Variants in ATXN10 observed in about 807,000 individuals in gnomAD.
The protein encoded by ATXN10 is ataxin-10.
In ATXN10, 28 loss-of-function variants were observed where a neutral mutation model predicts 52.9. The observed-to-expected ratio is 0.53, with a 90% CI of 0.39 to 0.73. The LOEUF (loss-of-function observed/expected upper bound fraction) is 0.73, where lower values mean the gene tolerates loss of function less well. Ranked by LOEUF, ATXN10 falls within the 30% of genes least tolerant of loss-of-function variation. The pLI is 0.00. For synonymous variants in ATXN10, 226 were observed against 221.5 expected (o/e 1.02, Z -0.18); for missense variants, 565 against 577.0 (o/e 0.98, Z 0.21).
intron 4 of ATXN10, among the ~76,000 whole-genome samples, chr22:45,702,438 A>G (rs191676615): frequency 1.3e-5 from 2 of 152,126 alleles, no homozygotes; most frequent in African/African-American, 4.8e-5. Context: ...TTTTTCTCTA[A>G]TGGTAAGTTA....
In ATXN10 at chr22:45,783,061, C is replaced by T. The variant is rs919476103; in HGVS notation, c.1174-23898C>T. Among the ~76,000 whole-genome samples, 7 of 152,184 alleles carry T rather than the reference C, an allele frequency of 4.6e-5. No homozygotes were observed. The highest frequency in any genetic ancestry group is 8.8e-5 in the Non-Finnish European group (6 of 68,030). On this transcript the variant is annotated intron_variant, in intron 9 of 11. Transcript: ENST00000252934. This position sits in a 1 kb window ranked among gnomAD's most constrained non-coding sequence, Gnocchi z 5.0. Reference sequence around the variant, plus strand: ...TCAGCATACAGTTTTTTTCTTAAGTCTAGAACTCTGACCTTTTCACTTAAA... The same window carrying T: ...TCAGCATACAGTTTTTTTCTTAAGTTTAGAACTCTGACCTTTTCACTTAAA...
intron 8 of ATXN10, among the ~76,000 whole-genome samples, chr22:45,739,277 T>C (rs1176527850): frequency 6.6e-6 from 1 of 152,236 alleles, no homozygotes; most frequent in Admixed American, 6.5e-5. Flanking sequence ...ACAAATCTTA[T>C]GAGAAAAAGG....
In ATXN10 at chr22:45,762,827, C is replaced by T. The variant is rs576671425; in HGVS notation, c.1173+22289C>T. On this transcript the variant is annotated intron_variant, in intron 9 of 11. Transcript: ENST00000252934. This position sits in a 1 kb window ranked among gnomAD's most constrained non-coding sequence, Gnocchi z 4.3. ...CCCCCTGTGTTTTGGCTCCAAATTCCAAGTGAGAGTAATTGCGTGGCTTCC... is the reference window on the plus strand; with the variant it reads ...CCCCCTGTGTTTTGGCTCCAAATTCTAAGTGAGAGTAATTGCGTGGCTTCC... 7.2e-5 allele frequency among the ~76,000 whole-genome samples: 11 copies of T among 152,262 alleles called. No individual in the cohort carries two copies. Among genetic ancestry groups the T allele is most frequent in the Admixed American group, 7.2e-4 (11 of 15,292 alleles).
In ATXN10 at chr22:45,784,683, T is replaced by A. The variant is rs758533802; in HGVS notation, c.1174-22276T>A. On this transcript the variant is annotated intron_variant, in intron 9 of 11. Coordinates refer to ENST00000252934, the MANE Select transcript of ATXN10 (RefSeq NM_013236.4). The surrounding 1 kb of genome is among the most constrained non-coding windows in gnomAD (Gnocchi z 4.2). ...CACACAGCTTAGAGCAGGGCCCAAATTGACCTCATGGCTATTCTTACACAT... is the reference window on the plus strand; with the variant it reads ...CACACAGCTTAGAGCAGGGCCCAAAATGACCTCATGGCTATTCTTACACAT... Among the ~76,000 whole-genome samples the A allele has an allele frequency of 6.6e-6, 1 of 152,208 alleles. No individual in the cohort carries two copies.
At chr22:45,804,354 C>T (rs897480897) in intron 9 of ATXN10, among the ~76,000 whole-genome samples, 1 of 152,182 alleles carries the variant, frequency 6.6e-6, no homozygotes, top group Non-Finnish European at 1.5e-5. Context: ...CAGGTGTCTA[C>T]TAAATAGTAG....
chr22:45,695,266 G>T (rs1923559199), intron 3 of ATXN10, among the ~76,000 whole-genome samples: 1 of 149,638 alleles, frequency 6.7e-6, no homozygotes, highest in Non-Finnish European at 1.5e-5. Flanking sequence ...AGAGCTTGCA[G>T]TGAGCCGAGA....
chr22:45,821,397 A>G (rs2146900406), intron 10 of ATXN10, among the ~76,000 whole-genome samples: 1 of 152,024 alleles, frequency 6.6e-6, no homozygotes, highest in South Asian at 2.1e-4. Context: ...TCCAGGCATA[A>G]TTAGGAAGCA....
intron 10 of ATXN10, among the ~76,000 whole-genome samples, chr22:45,812,352 A>G (rs1928309219): frequency 6.6e-6 from 1 of 152,222 alleles, no homozygotes; most frequent in Non-Finnish European, 1.5e-5. Context: ...CATGTAGTAG[A>G]TAACCAAAAA....
chr22:45,696,993 A>AT lies in ATXN10; in HGVS notation c.392-3286dup, dbSNP rs1402181358. 1.3e-5 allele frequency among the ~76,000 whole-genome samples: 2 copies of AT among 152,188 alleles called. No individual in the cohort carries two copies. The highest frequency in any genetic ancestry group is 4.8e-5 in the African/African-American group (2 of 41,446). ...TTAGCTGTATTAAATGTTGTTCTTAATTTAGGTAGTTGCATTTGTATGAGT... is the reference window on the plus strand; with the variant it reads ...TTAGCTGTATTAAATGTTGTTCTTAATTTTAGGTAGTTGCATTTGTATGAGT... On this transcript the variant is annotated intron_variant, in intron 3 of 11. Transcript: ENST00000252934. The surrounding 1 kb of genome is among the most constrained non-coding windows in gnomAD (Gnocchi z 4.7).
At chr22:45,749,431 C>T (rs1925861221) in intron 9 of ATXN10, among the ~76,000 whole-genome samples, 1 of 152,204 alleles carries the variant, frequency 6.6e-6, no homozygotes, top group Non-Finnish European at 1.5e-5. Flanking sequence ...AAATCTATGA[C>T]CAAATTTGTG....
intron 9 of ATXN10, chr22:45,792,977 A>T (rs1278099471): frequency 3.5e-6 from 1 of 284,606 alleles, no homozygotes; most frequent in Admixed American, 3.7e-5. Flanking sequence ...TACTGACAAG[A>T]GCTTTTTTAG....
chr22:45,707,092 C>G (rs1393703160), intron 5 of ATXN10, among the ~76,000 whole-genome samples: 2 of 152,096 alleles, frequency 1.3e-5, no homozygotes, highest in African/African-American at 4.8e-5. Flanking sequence ...TTGACCCTTT[C>G]TCATTATAAA....
chr22:45,719,217 A>G (rs1924559147), intron 6 of ATXN10, among the ~76,000 whole-genome samples: 1 of 152,202 alleles, frequency 6.6e-6, no homozygotes, highest in East Asian at 1.9e-4. Flanking sequence ...AACAAAATAT[A>G]TTCAGAAACT....
At chr22:45,768,778 G>A (rs1362051537) in intron 9 of ATXN10, among the ~76,000 whole-genome samples, 1 of 152,198 alleles carries the variant, frequency 6.6e-6, no homozygotes, top group Admixed American at 6.5e-5. Flanking sequence ...CTTTGTTGGA[G>A]TGCTGATTTG....
In ATXN10 at chr22:45,842,282, G is replaced by A. The variant is rs563563217; in HGVS notation, c.1238-709G>A. 2.9e-4 allele frequency among the ~76,000 whole-genome samples: 44 copies of A among 152,280 alleles called. No individual in the cohort carries two copies. The highest frequency in any genetic ancestry group is 1.0e-3 in the African/African-American group (43 of 41,550). On this transcript the variant is annotated intron_variant, in intron 10 of 11. Transcript: ENST00000252934. The surrounding 1 kb of genome is among the most constrained non-coding windows in gnomAD (Gnocchi z 4.8). ...TAAATCAAATGCCCTACTCAGTGATGTGGCGATGCTATCCCAGTCTTCGTA... is the reference window on the plus strand; with the variant it reads ...TAAATCAAATGCCCTACTCAGTGATATGGCGATGCTATCCCAGTCTTCGTA...
chr22:45,740,727 T>TACACACAC, intron 9 of ATXN10, 189 bp downstream of exon 9: 1 of 379,836 alleles, frequency 2.6e-6, no homozygotes, highest in Non-Finnish European at 4.6e-6. Flanking sequence ...CACATATATA[T>TACACACAC]ACACACACAC....
In ATXN10 at chr22:45,727,323, A is replaced by G. The variant is rs1012762059; in HGVS notation, c.729-2102A>G. ...TTGATATAGTTCTGTCTGTCTGTCT[A>G]TCTATCTATATCTATCTATCTATCT... On this transcript the variant is annotated intron_variant, in intron 6 of 11. Transcript: ENST00000252934. This position sits in a 1 kb window ranked among gnomAD's most constrained non-coding sequence, Gnocchi z 4.6. Among the ~76,000 whole-genome samples the G allele has an allele frequency of 2.2e-4, 29 of 133,602 alleles. No homozygotes were observed. The highest frequency in any genetic ancestry group is 6.9e-4 in the East Asian group (3 of 4,344). 87.6% of individuals were successfully genotyped at this position (133,602 alleles called of 152,430 possible). A position where few individuals can be genotyped will look rare whatever the true frequency, so the allele number is the denominator to read the frequency against.
At position 45,805,478 on chromosome 22, in the gene ATXN10, G is replaced by A. The variant is rs1928068554; in HGVS notation, c.1174-1481G>A. Among the ~76,000 whole-genome samples, 1 of 152,190 alleles carries A rather than the reference G, an allele frequency of 6.6e-6. No homozygotes were observed. The highest frequency in any genetic ancestry group is 2.4e-5 in the African/African-American group (1 of 41,432). On this transcript the variant is annotated intron_variant, in intron 9 of 11. Coordinates refer to ENST00000252934, the MANE Select transcript of ATXN10 (RefSeq NM_013236.4). This position sits in a 1 kb window ranked among gnomAD's most constrained non-coding sequence, Gnocchi z 4.4. ...TCCATTAGTGGGTGAATGGAAAAAT[G>A]CAATGTGGCATATCCGTACAATGCA... is the stretch of plus-strand genomic sequence containing the variant.
At chr22:45,777,808 A>T (rs1927012830) in intron 9 of ATXN10, among the ~76,000 whole-genome samples, 1 of 152,256 alleles carries the variant, frequency 6.6e-6, no homozygotes, top group East Asian at 1.9e-4. Flanking sequence ...GATGCAAATG[A>T]GAATTGAGAT....
Sources: gnomAD v4.1 joint callset for allele counts (sites outside exome capture counted in the v4.1 genomes callset) on GRCh38, gnomAD v4.1.1 for gene constraint, Gnocchi (gnomAD v3.1) non-coding constraint, MANE v1.5 for transcripts, NCBI Gene and HGNC (gene_info 2026-07-23, HGNC 2026-07-21) for gene names.